NYAP2: variants seen among roughly 807,000 people sequenced by gnomAD.
NYAP2 encodes the protein neuronal tyrosine-phosphorylated phosphoinositide-3-kinase adaptor 2.
NYAP2 carries 23 observed loss-of-function variants against 50.4 expected under a neutral mutation model. That is an observed-to-expected ratio of 0.46 (90% CI 0.33 to 0.65). The LOEUF is 0.65. Among genes scored for constraint, NYAP2 ranks in the 30% least tolerant of loss-of-function variants. NYAP2 has a pLI of 0.02. For synonymous variants in NYAP2, 394 were observed against 365.2 expected, an observed-to-expected ratio of 1.08 and a Z score of -0.90; for missense variants, 885 against 861.0, an observed-to-expected ratio of 1.03 and a Z score of -0.35.
intron 3 of NYAP2, among the ~76,000 whole-genome samples, chr2:225,426,533 C>T (rs1251231081): frequency 1.3e-5 from 2 of 152,076 alleles, no homozygotes; most frequent in African/African-American, 4.8e-5. Flanking sequence ...GATTGATATC[C>T]TGAGATTTTA....
rs719763 is a variant in NYAP2, at chr2:225,609,751, G to T, written c.1619-17166G>T. 1.2e-3 allele frequency among the ~76,000 whole-genome samples: 181 copies of T among 152,212 alleles called. 1 individual carries two copies. Among genetic ancestry groups the T allele is most frequent in the African/African-American group, 4.2e-3 (176 of 41,540 alleles). On this transcript the variant is annotated intron_variant, in intron 5 of 6. Transcript: ENST00000636099. The stretch of plus-strand genomic sequence containing the variant: ...TTATTTAAATCTGCCCCAAATAAAA[G>T]ATGTAAAACTCAATGATATTAAAGT...
the NYAP2 span, chr2:225,698,944 T>A: frequency 6.6e-6 from 1 of 151,948 alleles, no homozygotes; most frequent in African/African-American, 2.4e-5. Context: ...AATGTTTTTT[T>A]TCCCTTGCCC....
chr2:225,483,730 C>T (rs541721988), intron 3 of NYAP2, among the ~76,000 whole-genome samples: 63 of 152,086 alleles, frequency 4.1e-4, no homozygotes, highest in African/African-American at 1.4e-3. Flanking sequence ...ATTTGAGTCC[C>T]AAAAAGGTTT....
intron 6 of NYAP2, among the ~76,000 whole-genome samples, chr2:225,647,308 T>C (rs1293362974): frequency 2.0e-5 from 3 of 152,298 alleles, no homozygotes; most frequent in Middle Eastern, 6.8e-3. Flanking sequence ...TTCCTTAAGG[T>C]ATGCAAGGAT....
intron 3 of NYAP2, among the ~76,000 whole-genome samples, chr2:225,444,684 C>T (rs1367659820): frequency 2.6e-5 from 4 of 152,140 alleles, no homozygotes; most frequent in Non-Finnish European, 5.9e-5. Context: ...AAGTGGATTT[C>T]TGAGTTCACT....
chr2:225,675,774 A>T, the NYAP2 span, among the ~76,000 whole-genome samples: 1 of 152,102 alleles, frequency 6.6e-6, no homozygotes, highest in East Asian at 1.9e-4. Context: ...ATGTATAAGC[A>T]TTCTCTTTTC....
At position 225,575,697 on chromosome 2, in the gene NYAP2, T is replaced by A. The variant is rs115200279; in HGVS notation, c.524-6244T>A. Among the ~76,000 whole-genome samples the A allele has an allele frequency of 8.3e-3, 1,266 of 152,278 alleles. 30 individuals carry two copies. The highest frequency in any genetic ancestry group is 0.029 in the African/African-American group (1,224 of 41,532). On this transcript the variant is annotated intron_variant, in intron 4 of 6. Coordinates refer to ENST00000636099, the Ensembl canonical transcript of NYAP2. ...TGGGAGAAAGTGGAAGCTGCCAGAA[T>A]CAAGGGGAGAAGAAATAGACTCCAC...
intron 3 of NYAP2, among the ~76,000 whole-genome samples, chr2:225,430,398 T>C (rs1695348825): frequency 6.6e-6 from 1 of 152,222 alleles, no homozygotes; most frequent in Non-Finnish European, 1.5e-5. Context: ...TGAGGGGATA[T>C]TATTTTCTTA....
chr2:225,556,289 T>C (rs556839443), intron 4 of NYAP2, among the ~76,000 whole-genome samples: 2 of 152,342 alleles, frequency 1.3e-5, no homozygotes, highest in Admixed American at 1.3e-4. Context: ...CCATATACAA[T>C]ATAGCATATA....
At chr2:225,670,655 C>T in the NYAP2 span, among the ~76,000 whole-genome samples, 1 of 147,992 alleles carries the variant, frequency 6.8e-6, no homozygotes, top group African/African-American at 2.5e-5. Context: ...TTTCAGCAAT[C>T]ATTTTGGCAG....
At chr2:225,421,191 TGA>T (rs1318119183) in intron 3 of NYAP2, among the ~76,000 whole-genome samples, 1 of 152,188 alleles carries the variant, frequency 6.6e-6, no homozygotes, top group Non-Finnish European at 1.5e-5. Flanking sequence ...GAGACAGGCA[TGA>T]GTCACCACAC....
chr2:225,684,406 CTTTT>C, the NYAP2 span, among the ~76,000 whole-genome samples: 1 of 138,782 alleles, frequency 7.2e-6, no homozygotes, highest in Middle Eastern at 3.7e-3. Flanking sequence ...TTCTCTCTCT[CTTTT>C]TTTTTTTTTT....
the NYAP2 span, among the ~76,000 whole-genome samples, chr2:225,672,382 C>A: frequency 6.6e-6 from 1 of 152,138 alleles, no homozygotes; most frequent in Non-Finnish European, 1.5e-5. Context: ...GGTCAGTCAC[C>A]TACTTCAGCC....
the NYAP2 span, among the ~76,000 whole-genome samples, chr2:225,674,949 C>T: frequency 6.6e-6 from 1 of 151,876 alleles, no homozygotes; most frequent in Non-Finnish European, 1.5e-5. Flanking sequence ...AGGGCAAGCC[C>T]CCAGTCTTAT....
intron 4 of NYAP2, among the ~76,000 whole-genome samples, chr2:225,543,119 C>A (rs1363018688): frequency 6.6e-6 from 1 of 151,890 alleles, no homozygotes; most frequent in Non-Finnish European, 1.5e-5. Context: ...TCTTCTTTAT[C>A]ATATCTGATT....
intron 3 of NYAP2, among the ~76,000 whole-genome samples, chr2:225,509,729 T>C (rs1360623979): frequency 6.6e-6 from 1 of 152,180 alleles, no homozygotes; most frequent in East Asian, 1.9e-4. Flanking sequence ...TCCAGAGTTA[T>C]AGGGATCGGA....
chr2:225,455,049 C>T (rs879573691), intron 3 of NYAP2, among the ~76,000 whole-genome samples: 1 of 151,918 alleles, frequency 6.6e-6, no homozygotes, highest in East Asian at 1.9e-4. Flanking sequence ...AAGTAAAGAG[C>T]TTGGGTGAAG....
At chr2:225,555,087 A>T (rs1691753678) in intron 4 of NYAP2, among the ~76,000 whole-genome samples, 1 of 152,126 alleles carries the variant, frequency 6.6e-6, no homozygotes, top group African/African-American at 2.4e-5. Context: ...TCTATACAAA[A>T]TATGTTAATA....
At chr2:225,633,318 A>C (rs1693353617) in intron 6 of NYAP2, among the ~76,000 whole-genome samples, 1 of 152,210 alleles carries the variant, frequency 6.6e-6, no homozygotes, top group African/African-American at 2.4e-5. Context: ...TATAAAGGGA[A>C]GGATCAGCTA....
Sources: allele counts gnomAD v4.1 joint callset (sites outside exome capture counted in the v4.1 genomes callset), GRCh38; gene constraint gnomAD v4.1.1; transcripts MANE v1.5; gene names NCBI Gene and HGNC (gene_info 2026-07-23, HGNC 2026-07-21).